The following PIK3C2G variants were observed in gnomAD, a reference collection of about 807,000 sequenced individuals.
PIK3C2G encodes phosphatidylinositol-4-phosphate 3-kinase catalytic subunit type 2 gamma, also known as phosphatidylinositol 3-kinase C2 domain-containing subunit gamma.
A neutral mutation model predicts 181.1 loss-of-function variants in PIK3C2G; 168 were observed. The ratio of observed to expected loss-of-function variants is 0.93; its 90% CI spans 0.82 to 1.05. The LOEUF (loss-of-function observed/expected upper bound fraction) is 1.05, where lower values mean the gene tolerates loss of function less well. PIK3C2G is among the 50% of genes least tolerant of loss of function. The pLI is 0.00. For synonymous variants in PIK3C2G, 573 were observed against 592.2 expected, an observed-to-expected ratio of 0.97 and a Z score of 0.47; for missense variants, 1,869 against 1,732.8, an observed-to-expected ratio of 1.08 and a Z score of -1.40.
intron 1 of PIK3C2G, among the ~76,000 whole-genome samples, chr12:18,251,812 G>T (rs1011652442): frequency 2.6e-5 from 4 of 152,056 alleles, no homozygotes; most frequent in Middle Eastern, 6.8e-3. Context: ...TTCAGGATTT[G>T]GGAGGATGTC....
intron 18 of PIK3C2G, among the ~76,000 whole-genome samples, chr12:18,481,844 G>A (rs1206612720): frequency 2.6e-5 from 4 of 151,912 alleles, no homozygotes; most frequent in South Asian, 2.1e-4. Flanking sequence ...CCCCTTATTC[G>A]GCATCTTAGG....
chr12:18,426,174 T>C (rs1426096201), intron 18 of PIK3C2G, among the ~76,000 whole-genome samples: 1 of 152,202 alleles, frequency 6.6e-6, no homozygotes, highest in Non-Finnish European at 1.5e-5. Context: ...GGGTTGTTTA[T>C]TAACAAAAAA....
intron 18 of PIK3C2G, among the ~76,000 whole-genome samples, chr12:18,443,374 ATATT>A (rs1184388453): frequency 6.6e-6 from 1 of 152,136 alleles, no homozygotes; most frequent in Admixed American, 6.5e-5. Flanking sequence ...AAATATCAGT[ATATT>A]TATTTAATTT....
the PIK3C2G span, among the ~76,000 whole-genome samples, chr12:18,706,453 G>T: frequency 1.3e-5 from 2 of 152,104 alleles, no homozygotes; most frequent in Admixed American, 1.3e-4. Context: ...TCAGTTTTAA[G>T]TTCTGAAATC....
chr12:18,586,988 C>T (rs961603925), intron 29 of PIK3C2G, among the ~76,000 whole-genome samples: 18 of 151,948 alleles, frequency 1.2e-4, no homozygotes, highest in Admixed American at 7.9e-4. Flanking sequence ...GCAGAAAAGG[C>T]GTTTGATAAA....
At chr12:18,504,598 C>A (rs1461229391) in intron 23 of PIK3C2G, among the ~76,000 whole-genome samples, 1 of 152,162 alleles carries the variant, frequency 6.6e-6, no homozygotes, top group African/African-American at 2.4e-5. Flanking sequence ...ACCAGTCATT[C>A]CTGGTTACAC....
chr12:18,701,628 TCC>T, the PIK3C2G span: 7 of 1,575,930 alleles, frequency 4.4e-6, no homozygotes, highest in Non-Finnish European at 6.0e-6. Context: ...CTCCTCCTCC[TCC>T]TCCTCCTCCT....
At chr12:18,486,373 G>C (rs1366729845) in intron 18 of PIK3C2G, among the ~76,000 whole-genome samples, 1 of 152,030 alleles carries the variant, frequency 6.6e-6, no homozygotes, top group Non-Finnish European at 1.5e-5. Flanking sequence ...TTTGAGCAAG[G>C]AATCAAACTG....
the PIK3C2G span, among the ~76,000 whole-genome samples, chr12:18,699,281 A>G: frequency 2.0e-4 from 31 of 152,144 alleles, no homozygotes; most frequent in African/African-American, 7.2e-4. Flanking sequence ...TTCAATGCCT[A>G]TTAAATCCAC....
Position 18,634,376 on chromosome 12 carries a change from C to T in PIK3C2G, c.4183-6053C>T, listed in dbSNP as rs1318991433. ...TGGGCCTATGGGATTTTGGAGGCAA[C>T]GTACTCCTCACATGGAATACTGTGG... On this transcript the variant is annotated intron_variant, in intron 31 of 32. Coordinates refer to ENST00000538779, the MANE Select transcript of PIK3C2G (RefSeq NM_001288772.2). Among the ~76,000 whole-genome samples the T allele has an allele frequency of 1.1e-4, 16 of 152,318 alleles. No individual in the cohort carries two copies. In the East Asian group the frequency reaches 1.5e-3, roughly 15 times the overall value.
intron 1 of PIK3C2G, among the ~76,000 whole-genome samples, chr12:18,277,260 G>C (rs1217744969): frequency 2.6e-5 from 4 of 151,988 alleles, no homozygotes; most frequent in Non-Finnish European, 4.4e-5. Flanking sequence ...ATGATTTTCT[G>C]TGTGTGTGTC....
the PIK3C2G span, among the ~76,000 whole-genome samples, chr12:18,720,806 G>A: frequency 1.3e-5 from 2 of 151,958 alleles, no homozygotes; most frequent in South Asian, 4.1e-4. Context: ...AGCAAGATAA[G>A]TGCAGGGGAA....
chr12:18,619,816 C>A (rs536275064), intron 31 of PIK3C2G, among the ~76,000 whole-genome samples: 1 of 151,746 alleles, frequency 6.6e-6, no homozygotes, highest in East Asian at 1.9e-4. Context: ...GCTCCGCCTC[C>A]CGGGTTCACG....
At chr12:18,478,140 G>C (rs1350460194) in intron 18 of PIK3C2G, among the ~76,000 whole-genome samples, 2 of 152,062 alleles carry the variant, frequency 1.3e-5, no homozygotes, top group African/African-American at 4.8e-5. Flanking sequence ...TTTAAAAAAA[G>C]GACTGAGCTG....
In PIK3C2G at chr12:18,364,514, C is replaced by T. The variant is rs542217985; in HGVS notation, c.1748+1628C>T. ...GATTTTTTTTTTAATTTTATTTAGT[C>T]GACAGCAGGTAAAGCAGCACCAGAC... On this transcript the variant is annotated intron_variant, in intron 12 of 32. Coordinates refer to ENST00000538779, the MANE Select transcript of PIK3C2G (RefSeq NM_001288772.2). Among the ~76,000 whole-genome samples the T allele has an allele frequency of 5.3e-5, 8 of 151,942 alleles. No homozygotes were observed. In the South Asian group the frequency reaches 1.7e-3, roughly 32 times the overall value.
chr12:18,284,291 A>G (rs1048502246), intron 2 of PIK3C2G, among the ~76,000 whole-genome samples: 2 of 152,204 alleles, frequency 1.3e-5, no homozygotes, highest in Non-Finnish European at 1.5e-5. Flanking sequence ...CCATGTCTTA[A>G]GAGTAAAACT....
intron 31 of PIK3C2G, among the ~76,000 whole-genome samples, chr12:18,616,299 G>A (rs988938292): frequency 6.6e-6 from 1 of 152,000 alleles, no homozygotes; most frequent in Non-Finnish European, 1.5e-5. Flanking sequence ...TGAATACAGT[G>A]GTTAGCAAAA....
At chr12:18,566,246 G>A (rs1001108297) in intron 28 of PIK3C2G, among the ~76,000 whole-genome samples, 6 of 152,096 alleles carry the variant, frequency 3.9e-5, no homozygotes, top group Non-Finnish European at 8.8e-5. Context: ...TAGCCAAGCC[G>A]TGGTTCCTAC....
chr12:18,243,298 A>G (rs899042274), upstream of PIK3C2G, among the ~76,000 whole-genome samples: 9 of 151,878 alleles, frequency 5.9e-5, no homozygotes, highest in Non-Finnish European at 8.8e-5. Flanking sequence ...AATAATTACT[A>G]CATTTGCAGG....
Sources: allele counts gnomAD v4.1 joint callset (sites outside exome capture counted in the v4.1 genomes callset), GRCh38; gene constraint gnomAD v4.1.1; transcripts MANE v1.5; gene names NCBI Gene and HGNC (gene_info 2026-07-23, HGNC 2026-07-21).